KLHL4: variants seen among roughly 807,000 people sequenced by gnomAD.
KLHL4 encodes kelch like family member 4, also known as kelch-like protein 4.
A neutral mutation model predicts 45.8 loss-of-function variants in KLHL4; 17 were observed. That is an observed-to-expected ratio of 0.37 (90% CI 0.25 to 0.56). The LOEUF (loss-of-function observed/expected upper bound fraction) is 0.56. Among genes scored for constraint, KLHL4 ranks in the 20% least tolerant of loss-of-function variants. The probability of loss-of-function intolerance (pLI) is 0.79; values close to 1 mark genes in which losing one functional copy is unlikely to be tolerated. For missense variants in KLHL4, 544 were observed against 544.9 expected, an observed-to-expected ratio of 1.00 and a Z score of 0.02; for synonymous variants, 224 against 189.9, an observed-to-expected ratio of 1.18 and a Z score of -1.47.
At chrX:87,527,540 A>G (rs1444399324) in intron 1 of KLHL4, among the ~76,000 whole-genome samples, 1 of 111,327 alleles carries the variant, frequency 9.0e-6, no homozygotes, top group African/African-American at 3.3e-5. Context: ...CTTCTGAACA[A>G]CTTGCCAGCT....
At chrX:87,662,445 G>A (rs1338497873) in intron 9 of KLHL4, among the ~76,000 whole-genome samples, 1 of 112,093 alleles carries the variant, frequency 8.9e-6, no homozygotes, top group Non-Finnish European at 1.9e-5. Context: ...AGATGCAAAA[G>A]TAGTTGAAAT....
intron 1 of KLHL4, among the ~76,000 whole-genome samples, chrX:87,587,147 A>C (rs1293494273): frequency 1.2e-5 from 1 of 85,800 alleles, no homozygotes; most frequent in East Asian, 4.8e-4. Flanking sequence ...CCATAAAATA[A>C]AGCAAAAAAA....
At chrX:87,654,141 T>A (rs1923909402) in intron 9 of KLHL4, among the ~76,000 whole-genome samples, 1 of 111,395 alleles carries the variant, frequency 9.0e-6, no homozygotes, top group Admixed American at 9.6e-5. Context: ...ATTAATAAAA[T>A]AAAATAAAAT....
chrX:87,581,842 A>T (rs1399376096), intron 1 of KLHL4, among the ~76,000 whole-genome samples: 2 of 112,098 alleles, frequency 1.8e-5, no homozygotes, highest in African/African-American at 6.5e-5. Context: ...AAGGGTTCAG[A>T]ACTGGGATAA....
chrX:87,617,849 AAT>A, intron 3 of KLHL4, 81 bp from the exon 4 acceptor site: 1 of 834,898 alleles, frequency 1.2e-6, no homozygotes, highest in South Asian at 2.9e-5. Flanking sequence ...TAGAGAGGAA[AAT>A]AAAAAAAAAA....
intron 1 of KLHL4, among the ~76,000 whole-genome samples, chrX:87,553,416 C>G (rs1202955407): frequency 9.1e-6 from 1 of 109,579 alleles, no homozygotes; most frequent in East Asian, 2.8e-4. Flanking sequence ...ATATTTATAC[C>G]ATTGCCTGAT....
chrX:87,641,801 C>A (rs182785185), intron 9 of KLHL4, among the ~76,000 whole-genome samples: 59 of 110,431 alleles, frequency 5.3e-4, no homozygotes, highest in African/African-American at 1.9e-3. Context: ...CTGCATGACT[C>A]AGCAGAGGCA....
intron 1 of KLHL4, among the ~76,000 whole-genome samples, chrX:87,524,307 A>T (rs1052008236): frequency 8.9e-6 from 1 of 112,201 alleles, no homozygotes. Context: ...AGATATGATA[A>T]TTAGTTTATC....
At chrX:87,621,185 A>T (rs1035473011) in intron 4 of KLHL4, among the ~76,000 whole-genome samples, 1 of 111,841 alleles carries the variant, frequency 8.9e-6, no homozygotes, top group African/African-American at 3.2e-5. Context: ...GACCCCAATT[A>T]TTCGGAGACT....
chrX:87,539,612 A>G (rs1028501188), intron 1 of KLHL4, among the ~76,000 whole-genome samples: 1 of 110,819 alleles, frequency 9.0e-6, no homozygotes, highest in Non-Finnish European at 1.9e-5. Flanking sequence ...TCACATTATG[A>G]CAGTGTTAGC....
At chrX:87,623,046 G>C (rs1922805047) in intron 5 of KLHL4, among the ~76,000 whole-genome samples, 1 of 111,267 alleles carries the variant, frequency 9.0e-6, no homozygotes, top group Non-Finnish European at 1.9e-5. Flanking sequence ...ATTTTTCTCT[G>C]TAGCAAATTG....
intron 10 of KLHL4, 136 bp downstream of exon 10, chrX:87,665,071 C>A (rs1402181034): frequency 2.5e-6 from 1 of 406,757 alleles, no homozygotes; most frequent in African/African-American, 2.5e-5. Flanking sequence ...AGTATGTGCT[C>A]TATCTATGCC....
At chrX:87,582,408 G>A (rs1921313775) in intron 1 of KLHL4, among the ~76,000 whole-genome samples, 1 of 111,537 alleles carries the variant, frequency 9.0e-6, no homozygotes, top group Admixed American at 9.5e-5. Context: ...GCAATTGTGG[G>A]GAATAGAACT....
intron 1 of KLHL4, among the ~76,000 whole-genome samples, chrX:87,565,343 C>T (rs56166408): frequency 9.0e-6 from 1 of 111,594 alleles, no homozygotes. Flanking sequence ...CTCAATTGAA[C>T]TAAAATTTAC....
intron 9 of KLHL4, among the ~76,000 whole-genome samples, chrX:87,657,983 G>C (rs1031858112): frequency 8.9e-6 from 1 of 112,089 alleles, no homozygotes; most frequent in African/African-American, 3.2e-5. Context: ...ATGAGGAGTG[G>C]CTTGGACTCC....
rs181319765 is a variant in KLHL4, at chrX:87,545,706, G to A, written c.422+27391G>A. Reference sequence around the variant, plus strand: ...CTTTGGAACTGGATAACAGGCAGAGGTTGGAACAGTTTGGAGGGCTCAGAA... The same window carrying A: ...CTTTGGAACTGGATAACAGGCAGAGATTGGAACAGTTTGGAGGGCTCAGAA... On this transcript the variant is annotated intron_variant, in intron 1 of 10. Transcript: ENST00000373119. 9.0e-3 allele frequency among the ~76,000 whole-genome samples: 1,008 copies of A among 112,010 alleles called. 7 individuals carry two copies. The highest frequency in any genetic ancestry group is 0.031 in the African/African-American group (956 of 30,796).
intron 9 of KLHL4, among the ~76,000 whole-genome samples, chrX:87,656,757 G>T (rs552963418): frequency 9.0e-6 from 1 of 110,729 alleles, no homozygotes; most frequent in Non-Finnish European, 1.9e-5. Context: ...TTATTATAAC[G>T]CCCTGTTCTT....
chrX:87,599,664 C>A (rs772888570), intron 1 of KLHL4, among the ~76,000 whole-genome samples: 7 of 110,082 alleles, frequency 6.4e-5, no homozygotes, highest in Admixed American at 4.8e-4. Flanking sequence ...AAAAAAACAG[C>A]GATATGATTA....
chrX:87,620,371 C>T (rs987778600), intron 4 of KLHL4, among the ~76,000 whole-genome samples: 4 of 111,569 alleles, frequency 3.6e-5, no homozygotes, highest in African/African-American at 1.3e-4. Flanking sequence ...CTGGATACTG[C>T]AATGTAATAT....
Sources: gnomAD v4.1 joint callset for allele counts (sites outside exome capture counted in the v4.1 genomes callset) on GRCh38, gnomAD v4.1.1 for gene constraint, MANE v1.5 for transcripts, NCBI Gene and HGNC (gene_info 2026-07-23, HGNC 2026-07-21) for gene names.